Variants in MARCHF1 observed in about 807,000 individuals in gnomAD.
MARCHF1 encodes E3 ubiquitin-protein ligase MARCHF1.
MARCHF1 carries 40 observed loss-of-function variants against 54.2 expected under a neutral mutation model. The observed-to-expected ratio is 0.74, with a 90% CI of 0.57 to 0.96. The LOEUF (loss-of-function observed/expected upper bound fraction) is 0.96, where lower values mean the gene tolerates loss of function less well. Among genes scored for constraint, MARCHF1 ranks in the 40% least tolerant of loss-of-function variants. The probability of loss-of-function intolerance (pLI) is 0.00; values close to 1 mark genes in which losing one functional copy is unlikely to be tolerated. For missense variants in MARCHF1, 586 were observed against 656.5 expected (o/e 0.89, Z 1.17); for synonymous variants, 236 against 236.3 (o/e 1.00, Z 0.01).
chr4:163,918,729 G>A (rs926449986), intron 3 of MARCHF1, among the ~76,000 whole-genome samples: 23 of 151,092 alleles, frequency 1.5e-4, no homozygotes, highest in South Asian at 2.1e-4. Context: ...GATTTGTTGC[G>A]TGTTTATTTT....
chr4:164,222,120 A>G (rs1732130694), intron 1 of MARCHF1, among the ~76,000 whole-genome samples: 1 of 152,094 alleles, frequency 6.6e-6, no homozygotes, highest in Non-Finnish European at 1.5e-5. Flanking sequence ...TGCCTTTCAA[A>G]TTAATTCAAT....
intron 4 of MARCHF1, among the ~76,000 whole-genome samples, chr4:163,779,183 T>A (rs116701872): frequency 0.028 from 4,300 of 152,252 alleles, 173 homozygotes; most frequent in African/African-American, 0.094. Flanking sequence ...CATGAGTAAA[T>A]AAAATCTCTC....
chr4:163,640,267 C>T (rs1266677979), intron 5 of MARCHF1, among the ~76,000 whole-genome samples: 1 of 152,054 alleles, frequency 6.6e-6, no homozygotes, highest in Non-Finnish European at 1.5e-5. Context: ...TACTGTGTCT[C>T]TCAACAGGAT....
At chr4:163,668,176 G>C (rs13114557) in intron 5 of MARCHF1, among the ~76,000 whole-genome samples, 27,656 of 152,038 alleles carry the variant, frequency 0.18, 3,143 homozygotes, top group East Asian at 0.42. Context: ...TTTGGGGAAA[G>C]TTTACTGCAG....
At chr4:163,791,778 A>C (rs1037580301) in intron 4 of MARCHF1, among the ~76,000 whole-genome samples, 1 of 152,112 alleles carries the variant, frequency 6.6e-6, no homozygotes, top group Non-Finnish European at 1.5e-5. Flanking sequence ...TGTCCAACAA[A>C]GACTCTTCCT....
chr4:164,042,809 G>A (rs1262709922), intron 2 of MARCHF1, among the ~76,000 whole-genome samples: 1 of 152,164 alleles, frequency 6.6e-6, no homozygotes, highest in Non-Finnish European at 1.5e-5. Context: ...TACAATGGGG[G>A]TACAGGCATT....
At chr4:163,831,443 T>G (rs1025447460) in intron 4 of MARCHF1, among the ~76,000 whole-genome samples, 1 of 152,072 alleles carries the variant, frequency 6.6e-6, no homozygotes, top group African/African-American at 2.4e-5. Context: ...AAAAATAAAT[T>G]ATCTGTGCAC....
chr4:163,881,198 G>A (rs1750407500), intron 3 of MARCHF1, among the ~76,000 whole-genome samples: 1 of 152,166 alleles, frequency 6.6e-6, no homozygotes, highest in Non-Finnish European at 1.5e-5. Flanking sequence ...AACAAGGCCG[G>A]GCATGGTGGC....
chr4:163,905,634 A>G (rs557253910), intron 3 of MARCHF1, among the ~76,000 whole-genome samples: 57 of 152,200 alleles, frequency 3.7e-4, no homozygotes, highest in African/African-American at 1.3e-3. Context: ...ATTGCTCTGG[A>G]GGTCCTTTGA....
intron 7 of MARCHF1, among the ~76,000 whole-genome samples, chr4:163,607,591 A>G (rs1295243804): frequency 6.6e-6 from 1 of 152,084 alleles, no homozygotes; most frequent in African/African-American, 2.4e-5. Context: ...TTGGTCTAAC[A>G]ATGTGAAGTA....
intron 1 of MARCHF1, among the ~76,000 whole-genome samples, chr4:164,184,837 C>T (rs1164952902): frequency 2.6e-5 from 4 of 152,114 alleles, no homozygotes; most frequent in Non-Finnish European, 5.9e-5. Flanking sequence ...GATCCTAATA[C>T]CCAAACCTAC....
At chr4:163,769,938 A>AACC (rs1747106173) in intron 4 of MARCHF1, among the ~76,000 whole-genome samples, 1 of 152,118 alleles carries the variant, frequency 6.6e-6, no homozygotes, top group African/African-American at 2.4e-5. Context: ...TAGCAAGACT[A>AACC]ACCCCCCTTT....
intron 1 of MARCHF1, among the ~76,000 whole-genome samples, chr4:164,236,336 T>A (rs1161015250): frequency 6.6e-6 from 1 of 152,146 alleles, no homozygotes; most frequent in Non-Finnish European, 1.5e-5. Flanking sequence ...ATTTAAAATA[T>A]GCTGCTGACT....
intron 5 of MARCHF1, among the ~76,000 whole-genome samples, chr4:163,644,637 A>G (rs189840022): frequency 6.6e-6 from 1 of 152,294 alleles, no homozygotes; most frequent in East Asian, 1.9e-4. Flanking sequence ...GGAGGGAAGC[A>G]TAGCCATCCA....
At chr4:163,588,373 G>A (rs1257698738) in intron 7 of MARCHF1, among the ~76,000 whole-genome samples, 2 of 152,272 alleles carry the variant, frequency 1.3e-5, no homozygotes, top group African/African-American at 2.4e-5. Context: ...CCAGTTTAGT[G>A]TCATAGCATA....
intron 1 of MARCHF1, among the ~76,000 whole-genome samples, chr4:164,232,181 AT>A (rs199938125): frequency 8.6e-5 from 13 of 151,936 alleles, no homozygotes; most frequent in African/African-American, 1.7e-4. Context: ...TTCATTCATC[AT>A]TTTTTTTCTA....
chr4:164,351,447 C>T (rs1461982026), intron 1 of MARCHF1, among the ~76,000 whole-genome samples: 2 of 150,724 alleles, frequency 1.3e-5, no homozygotes, highest in Admixed American at 6.6e-5. Context: ...CAAGTGGGTC[C>T]CTGACCCCTG....
rs75309923 is a variant in MARCHF1, at chr4:164,076,963, A to T, written c.-248+34625T>A. Among the ~76,000 whole-genome samples, 201 of 152,322 alleles carry T rather than the reference A, an allele frequency of 1.3e-3. 1 individual carries two copies. The highest frequency in any genetic ancestry group is 4.6e-3 in the African/African-American group (192 of 41,588). On this transcript the variant is annotated intron_variant, in intron 2 of 9. Transcript: ENST00000514618. ...GAAAATGGCCATACAGCCCAAATTA[A>T]TTTATAGATTCAATAATATCCCCAT...
At chr4:163,808,387 CTAAAA>C (rs1425412148) in intron 4 of MARCHF1, among the ~76,000 whole-genome samples, 1 of 152,028 alleles carries the variant, frequency 6.6e-6, no homozygotes, top group Non-Finnish European at 1.5e-5. Context: ...TATGCCACTG[CTAAAA>C]TAAAATTTCA....
Sources: allele counts gnomAD v4.1 joint callset (sites outside exome capture counted in the v4.1 genomes callset), GRCh38; gene constraint gnomAD v4.1.1; transcripts MANE v1.5; gene names NCBI Gene and HGNC (gene_info 2026-07-23, HGNC 2026-07-21).